Variants in LRRC36 observed in about 807,000 individuals in gnomAD.
LRRC36 encodes leucine-rich repeat-containing protein 36.
LRRC36 carries 62 observed loss-of-function variants against 81.1 expected under a neutral mutation model. The ratio of observed to expected loss-of-function variants is 0.76; its 90% CI spans 0.62 to 0.94. LRRC36 has a LOEUF of 0.94. Among genes scored for constraint, LRRC36 ranks in the 40% least tolerant of loss-of-function variants. The probability of loss-of-function intolerance (pLI) is 0.00; values close to 1 mark genes in which losing one functional copy is unlikely to be tolerated. For missense variants in LRRC36, 761 were observed against 881.7 expected (o/e 0.86, Z 1.73); for synonymous variants, 334 against 348.6 (o/e 0.96, Z 0.47).
intron 5 of LRRC36, among the ~76,000 whole-genome samples, chr16:67,353,468 C>A (rs2142048007): frequency 6.6e-6 from 1 of 152,182 alleles, no homozygotes; most frequent in Non-Finnish European, 1.5e-5. Flanking sequence ...CTCACTGCAA[C>A]CTTTGCCTCC....
Position 67,350,304 on chromosome 16 carries a change from C to CAA in LRRC36, c.577+14_577+15insAA, listed in dbSNP as rs2038564607. 1.9e-6 allele frequency: 3 copies of CAA among 1,589,984 alleles called. No homozygotes were observed. The highest frequency in any genetic ancestry group is 1.7e-5 in the Admixed American group (1 of 57,856). On this transcript the variant is annotated intron_variant, in intron 5 of 13. Coordinates refer to ENST00000329956, the MANE Select transcript of LRRC36 (RefSeq NM_018296.6). ...GGATTGAAATGGGTAAGTTTTCTCC[C>CAA]TGTGATTATAAAATGATTAAAACAT... is the stretch of plus-strand genomic sequence containing the variant.
intron 8 of LRRC36, 118 bp downstream of exon 8, chr16:67,367,575 T>G (rs2039458724): frequency 1.3e-5 from 12 of 914,830 alleles, no homozygotes; most frequent in Non-Finnish European, 2.0e-5. Context: ...AGTTGTATTT[T>G]AGGGTCACCA....
intron 5 of LRRC36, among the ~76,000 whole-genome samples, chr16:67,353,292 T>C (rs1383663182): frequency 6.6e-6 from 1 of 152,214 alleles, no homozygotes. Flanking sequence ...TTGATGCTGC[T>C]GCTACTCTGA....
At chr16:67,381,920 G>A (rs887731619) in intron 12 of LRRC36, among the ~76,000 whole-genome samples, 5 of 152,226 alleles carry the variant, frequency 3.3e-5, no homozygotes, top group Middle Eastern at 3.4e-3. Context: ...CCTGGCCCAC[G>A]TGCAATATTA....
At chr16:67,376,927 C>A in intron 11 of LRRC36, 55 bp downstream of exon 11, 2 of 1,538,534 alleles carry the variant, frequency 1.3e-6, no homozygotes, top group South Asian at 2.4e-5. Context: ...ACTACAACAT[C>A]TCTGCCTTAA....
At chr16:67,353,369 TTTTTTGTTTTTG>T (rs1163196392) in intron 5 of LRRC36, among the ~76,000 whole-genome samples, 1 of 152,052 alleles carries the variant, frequency 6.6e-6, no homozygotes, top group African/African-American at 2.4e-5. Flanking sequence ...TCTTTTTTTA[TTTTTTGTTTTTG>T]TTTTTGTTTT....
chr16:67,368,542 G>A (rs1459973884), intron 8 of LRRC36, among the ~76,000 whole-genome samples: 1 of 152,200 alleles, frequency 6.6e-6, no homozygotes, highest in African/African-American at 2.4e-5. Context: ...AGGAACCTCA[G>A]GGAGGCCAGT....
At chr16:67,370,599 C>G (rs2039590918) in intron 8 of LRRC36, among the ~76,000 whole-genome samples, 1 of 147,510 alleles carries the variant, frequency 6.8e-6, no homozygotes, top group African/African-American at 2.5e-5. Context: ...TGCCACTGCA[C>G]TCCACCCTGG....
chr16:67,381,982 C>T, intron 12 of LRRC36, 151 bp from the exon 13 acceptor site: 1 of 603,390 alleles, frequency 1.7e-6, no homozygotes. Context: ...TTCTTGCCAC[C>T]ATATCTCCTA....
rs555885190 is a variant in LRRC36, at chr16:67,382,049, A to G, written c.1931-84A>G. On this transcript the variant is annotated intron_variant, in intron 12 of 13. Transcript: ENST00000329956. ...GGTGCCATGGGGCCCCCAGTTCTCA[A>G]GATGTCCATCTGAATACTTATATTC... 2.1e-4 allele frequency: 191 copies of G among 909,262 alleles called. 3 individuals carry two copies. In the South Asian group the frequency reaches 2.8e-3, roughly 14 times the overall value. The allele number at this position is 909,262 out of a possible 1,614,324, so 56.3% of individuals were successfully genotyped here. A position where few individuals can be genotyped will look rare whatever the true frequency, so the allele number is the denominator to read the frequency against.
chr16:67,341,157 A>G (rs1004275166), intron 1 of LRRC36, among the ~76,000 whole-genome samples: 3 of 125,596 alleles, frequency 2.4e-5, no homozygotes, highest in African/African-American at 8.8e-5. Flanking sequence ...TGTACTCTAC[A>G]TATTCTATAG....
chr16:67,346,239 T>C lies in LRRC36; in HGVS notation c.199-17T>C, dbSNP rs1331785821. ...TTTACCAATATGCCATTTCATAATG[T>C]GGTGTTTTCCTTGTAGGGAATCCAG... On this transcript the variant is annotated splice_polypyrimidine_tract_variant and intron_variant, in intron 2 of 13. Transcript: ENST00000329956. The C allele has an allele frequency of 6.8e-7, 1 of 1,468,504 alleles. No individual in the cohort carries two copies. The highest frequency in any genetic ancestry group is 9.3e-7 in the Non-Finnish European group (1 of 1,077,314). 91.0% of individuals were successfully genotyped at this position (1,468,504 alleles called of 1,614,324 possible).
chr16:67,361,424 TA>T (rs1199080564), intron 5 of LRRC36, among the ~76,000 whole-genome samples: 1 of 152,190 alleles, frequency 6.6e-6, no homozygotes, highest in African/African-American at 2.4e-5. Context: ...TTTTTATTTT[TA>T]AAATAATTTT....
chr16:67,334,948 G>A (rs2037686752), intron 1 of LRRC36, among the ~76,000 whole-genome samples: 1 of 152,058 alleles, frequency 6.6e-6, no homozygotes, highest in African/African-American at 2.4e-5. Flanking sequence ...TACGAATAGG[G>A]GGTGGGTCAC....
intron 13 of LRRC36, among the ~76,000 whole-genome samples, chr16:67,383,131 A>G (rs2040176989): frequency 6.6e-6 from 1 of 151,770 alleles, no homozygotes; most frequent in Non-Finnish European, 1.5e-5. Context: ...AAAAAAAATC[A>G]GAAGAGACTT....
At chr16:67,378,108 C>G (rs1050473837) in intron 11 of LRRC36, among the ~76,000 whole-genome samples, 4 of 152,000 alleles carry the variant, frequency 2.6e-5, no homozygotes, top group African/African-American at 9.7e-5. Flanking sequence ...TTGTTTACTG[C>G]TTTTGAGCTG....
In LRRC36 at chr16:67,376,578, A is replaced by C. The variant is rs994345514; in HGVS notation, c.1661-149A>C. 4 of 736,114 alleles carry C rather than the reference A, an allele frequency of 5.4e-6. No individual in the cohort carries two copies. In the African/African-American group the frequency reaches 6.9e-5, roughly 13 times the overall value. The allele number at this position is 736,114 out of a possible 1,614,324, so 45.6% of individuals were successfully genotyped here. On this transcript the variant is annotated intron_variant, in intron 10 of 13. Transcript: ENST00000329956. ...AGGATATAATTTCTTGTCCTCTTAA[A>C]AACACCTCTTTCTGCCACTTACTAA...
chr16:67,355,626 G>A (rs1057154338), intron 5 of LRRC36, among the ~76,000 whole-genome samples: 71 of 151,612 alleles, frequency 4.7e-4, no homozygotes, highest in African/African-American at 1.6e-3. Flanking sequence ...CGCCCGCCTC[G>A]GCCTCCCAAA....
In LRRC36 at chr16:67,375,530, C is replaced by T. The variant is rs2039858734; in HGVS notation, c.1660+118C>T. 5.4e-6 allele frequency: 4 copies of T among 735,314 alleles called. No individual in the cohort carries two copies. The South Asian group carries it at 1.1e-4, about 20-fold the overall frequency. 45.5% of individuals were successfully genotyped at this position (735,314 alleles called of 1,614,324 possible). ...AGGAAAGTTGTTCTCATGATCACAT[C>T]CTGAAACATCTCAGAAACATCATAG... On this transcript the variant is annotated intron_variant, in intron 10 of 13. Transcript: ENST00000329956.
Sources: gnomAD v4.1 joint callset for allele counts (sites outside exome capture counted in the v4.1 genomes callset) on GRCh38, gnomAD v4.1.1 for gene constraint, MANE v1.5 for transcripts, NCBI Gene and HGNC (gene_info 2026-07-23, HGNC 2026-07-21) for gene names.